DST: variants seen among roughly 807,000 people sequenced by gnomAD.
DST encodes the protein bullous pemphigoid antigen.
A neutral mutation model predicts 875.2 loss-of-function variants in DST; 253 were observed. The ratio of observed to expected loss-of-function variants is 0.29; its 90% CI spans 0.26 to 0.32. The LOEUF (loss-of-function observed/expected upper bound fraction) is 0.32, where lower values mean the gene tolerates loss of function less well. DST is among the 10% of genes least tolerant of loss of function. DST has a pLI of 1.00. For missense variants in DST, 8,287 were observed against 9,111.6 expected (o/e 0.91, Z 3.68); for synonymous variants, 3,124 against 3,197.1 (o/e 0.98, Z 0.77).
chr6:56,876,211 C>G (rs1392192642), intron 3 of DST, among the ~76,000 whole-genome samples: 1 of 152,194 alleles, frequency 6.6e-6, no homozygotes, highest in Admixed American at 6.5e-5. Context: ...ATTGCTTCTT[C>G]TTCACTTTGA....
rs149284605 is a variant in DST, at chr6:56,925,740, T to C, written c.217-25119A>G. On this transcript the variant is annotated intron_variant, in intron 2 of 103. Transcript: ENST00000680361. The stretch of plus-strand genomic sequence containing the variant: ...TTTCCAAGTGGAAGCATCATGGAAA[T>C]AGGTTTTATTTCCCTCAACCCCCTC... Among the ~76,000 whole-genome samples, 595 of 152,322 alleles carry C rather than the reference T, an allele frequency of 3.9e-3. 3 individuals are homozygous for C. The highest frequency in any genetic ancestry group is 0.038 in the Middle Eastern group (11 of 292).
rs2096233510 is a variant in DST at position 56,504,038 on chromosome 6, T to C, written c.19525A>G (p.Thr6509Ala). ...TGCTGCTTGACAGTTTCGAGATCTG[T>C]TCCAATTGGAGACATTGAAGCTAAT... ...GKLASMSPIG[T>A]DLETVKQQIE... Residue 6509 changes from threonine (T) to alanine (A), a missense_variant, in exon 78 of 104, where the codon ACA becomes GCA. Around this residue, in one of 10 missense-constraint regions of DST, gnomAD observed 1,292 missense variants for 1,552.7 expected, o/e 0.83. Transcript: ENST00000680361. The C allele has an allele frequency of 1.2e-6, 2 of 1,609,534 alleles. No individual in the cohort carries two copies. The highest frequency in any genetic ancestry group is 1.3e-5 in the African/African-American group (1 of 74,808).
intron 4 of DST, among the ~76,000 whole-genome samples, chr6:56,817,844 T>C (rs2099768381): frequency 6.6e-6 from 1 of 152,174 alleles, no homozygotes; most frequent in Non-Finnish European, 1.5e-5. Context: ...ATGAATATGT[T>C]ACCCTAAGTG....
rs1465520965 is a variant in DST, at chr6:56,482,688, G to A, written c.21397C>T (p.Arg7133Cys). The A allele has an allele frequency of 2.5e-6, 4 of 1,612,088 alleles. No individual in the cohort carries two copies. The highest frequency in any genetic ancestry group is 1.7e-5 in the Admixed American group (1 of 59,890). Residue 7133 changes from arginine (R) to cysteine (C), a missense_variant, in exon 89 of 104, where the codon CGT becomes TGT. This residue lies in a region of DST where 1,292 missense variants were observed against 1,552.7 expected (regional missense o/e 0.83). Transcript: ENST00000680361. ...SKQTRLEAAL[R>C]QAEEFHSVVH... ...CTCATTTACATGGTTTTTACCTGACGCAGGGCTGCTTCTAACCGTGTTTGC... is the reference window on the plus strand; with the variant it reads ...CTCATTTACATGGTTTTTACCTGACACAGGGCTGCTTCTAACCGTGTTTGC...
Position 56,606,781 on chromosome 6 carries a change from G to C in DST, c.7847C>G (p.Pro2616Arg). The C allele has an allele frequency of 6.2e-7, 1 of 1,613,182 alleles. No individual in the cohort carries two copies. Among genetic ancestry groups the C allele is most frequent in the African/African-American group, 1.3e-5 (1 of 74,972 alleles). The change falls in exon 40 of 104, where the codon CCC (proline) becomes CGC (arginine). Residue 2616 changes from proline to arginine, a missense_variant. Physicochemically the swap from Pro to Arg is moderately radical, Grantham distance 103. Transcript: ENST00000680361. ...ATCATGGTCATCATCTTCAAACAAG[G>C]GAGTATCATAAAAATCATCATCACT... The part of the protein sequence containing the change: ...TDSDDDFYDT[P>R]LFEDDDHDSL...
intron 5 of DST, among the ~76,000 whole-genome samples, chr6:56,721,782 A>C (rs779531730): frequency 1.3e-5 from 2 of 152,256 alleles, no homozygotes; most frequent in Non-Finnish European, 2.9e-5. Flanking sequence ...AGCCACCTTC[A>C]TAAACCGATT....
chr6:56,795,752 G>A (rs566212039), intron 4 of DST, among the ~76,000 whole-genome samples: 9 of 152,118 alleles, frequency 5.9e-5, no homozygotes, highest in Non-Finnish European at 1.2e-4. Context: ...GGGGGAGGGA[G>A]AGAGAAGGGA....
chr6:56,517,131 G>A lies in DST; in HGVS notation c.18357+67C>T, dbSNP rs563634621. 193 of 1,125,138 alleles carry A rather than the reference G, an allele frequency of 1.7e-4. No individual in the cohort carries two copies. The South Asian group carries it at 2.4e-3, about 14-fold the overall frequency. The allele number at this position is 1,125,138 out of a possible 1,614,324, so 69.7% of individuals were successfully genotyped here. ...TGGATAACGGAGAAGTGTTTTTCTA[G>A]GACTGAAAGCTCAACACCTGCTGTT... On this transcript the variant is annotated intron_variant, in intron 71 of 103. Coordinates refer to ENST00000680361, the MANE Select transcript of DST (RefSeq NM_001374736.1).
rs554949619 is a variant in DST, at chr6:56,670,320, C to T, written c.1214+321G>A. On this transcript the variant is annotated intron_variant, in intron 10 of 103. Coordinates refer to ENST00000680361, the MANE Select transcript of DST (RefSeq NM_001374736.1). Reference sequence around the variant, plus strand: ...CACAGCTCACCGCAGCCTTGGCCTCCGGAGTAGCTGGAAATACAGGTGCTT... The same window carrying T: ...CACAGCTCACCGCAGCCTTGGCCTCTGGAGTAGCTGGAAATACAGGTGCTT... Among the ~76,000 whole-genome samples the T allele has an allele frequency of 2.6e-5, 4 of 152,142 alleles. No homozygotes were observed. The South Asian group carries it at 6.2e-4, about 24-fold the overall frequency.
intron 62 of DST, 151 bp downstream of exon 62, chr6:56,536,628 G>C: frequency 1.5e-6 from 1 of 689,496 alleles, no homozygotes; most frequent in Non-Finnish European, 2.2e-6. Context: ...AGCTCCAGTA[G>C]GCATCTGAGT....
intron 3 of DST, among the ~76,000 whole-genome samples, chr6:56,896,510 G>C (rs1791365331): frequency 6.6e-6 from 1 of 152,166 alleles, no homozygotes; most frequent in Non-Finnish European, 1.5e-5. Flanking sequence ...CCCAGTCTCA[G>C]GTATGTCTTT....
chr6:56,918,662 C>T (rs1245713434), intron 2 of DST, among the ~76,000 whole-genome samples: 1 of 152,188 alleles, frequency 6.6e-6, no homozygotes, highest in Non-Finnish European at 1.5e-5. Flanking sequence ...TTTCTAGCAA[C>T]ACTATGAAAG....
chr6:56,758,758 G>A (rs1376645805), intron 4 of DST, among the ~76,000 whole-genome samples: 1 of 149,286 alleles, frequency 6.7e-6, no homozygotes, highest in African/African-American at 2.6e-5. Context: ...CTGAATGGCA[G>A]CTTCAAGGTA....
At chr6:56,832,321 G>A (rs1041408113) in intron 4 of DST, among the ~76,000 whole-genome samples, 2 of 152,172 alleles carry the variant, frequency 1.3e-5, no homozygotes, top group Admixed American at 1.3e-4. Context: ...GTTCTTGTGA[G>A]TACTAGTAAC....
chr6:56,622,043 G>A (rs949653407), intron 36 of DST, among the ~76,000 whole-genome samples: 1 of 151,918 alleles, frequency 6.6e-6, no homozygotes, highest in Non-Finnish European at 1.5e-5. Flanking sequence ...TTAGTATCAG[G>A]GTCAATCCTG....
intron 48 of DST, 86 bp downstream of exon 48, chr6:56,593,577 A>G: frequency 2.8e-6 from 3 of 1,073,944 alleles, no homozygotes; most frequent in Non-Finnish European, 2.5e-6. Context: ...TTTGGATTTT[A>G]GGTTTCTTGC....
chr6:56,483,339 A>G (rs929516795), intron 88 of DST, among the ~76,000 whole-genome samples: 2 of 152,162 alleles, frequency 1.3e-5, no homozygotes, highest in Non-Finnish European at 2.9e-5. Flanking sequence ...GGACTAAGCA[A>G]TCTTGATGTG....
intron 61 of DST, chr6:56,542,848 C>G (rs939485805): frequency 6.6e-6 from 1 of 152,336 alleles, no homozygotes; most frequent in Non-Finnish European, 1.5e-5. Flanking sequence ...GGAGCCGCAG[C>G]TCTCTACCAC....
intron 58 of DST, among the ~76,000 whole-genome samples, chr6:56,558,288 A>T (rs908638529): frequency 1.3e-5 from 2 of 152,142 alleles, no homozygotes; most frequent in African/African-American, 4.8e-5. Flanking sequence ...ATGTATTTTT[A>T]GAGTGCATGT....
Sources: gnomAD v4.1 joint callset for allele counts (sites outside exome capture counted in the v4.1 genomes callset) on GRCh38, gnomAD v4.1.1 for gene constraint, gnomAD v4.1.1 regional missense constraint, MANE v1.5 for transcripts, NCBI Gene and HGNC (gene_info 2026-07-23, HGNC 2026-07-21) for gene names.